The following TECRL variants were observed in gnomAD, a reference collection of about 807,000 sequenced individuals.
TECRL encodes trans-2,3-enoyl-CoA reductase like.
In TECRL, 63 loss-of-function variants were observed where a neutral mutation model predicts 52.8. The observed-to-expected ratio is 1.19, with a 90% CI of 0.97 to 1.47. The LOEUF (loss-of-function observed/expected upper bound fraction) is 1.47, where lower values mean the gene tolerates loss of function less well. Ranked by LOEUF, TECRL falls within the 40% of genes most tolerant of loss-of-function variation. The pLI is 0.00. For missense variants in TECRL, 482 were observed against 429.6 expected (o/e 1.12, Z -1.08); for synonymous variants, 164 against 141.9 (o/e 1.16, Z -1.10).
chr4:64,403,154 G>C (rs1429729390), intron 1 of TECRL, among the ~76,000 whole-genome samples: 1 of 151,754 alleles, frequency 6.6e-6, no homozygotes, highest in Non-Finnish European at 1.5e-5. Flanking sequence ...AAGTTTCTCA[G>C]GCCTCTGTAA....
At chr4:64,405,464 G>A (rs762500639) in intron 1 of TECRL, among the ~76,000 whole-genome samples, 1 of 152,136 alleles carries the variant, frequency 6.6e-6, no homozygotes, top group Non-Finnish European at 1.5e-5. Context: ...GCTATTTGAA[G>A]GATGTAGTTG....
intron 2 of TECRL, among the ~76,000 whole-genome samples, chr4:64,335,350 C>T (rs1463380174): frequency 6.6e-6 from 1 of 152,172 alleles, no homozygotes; most frequent in Non-Finnish European, 1.5e-5. Flanking sequence ...TTATGAGAAT[C>T]TAATGCCTAA....
intron 2 of TECRL, among the ~76,000 whole-genome samples, chr4:64,340,502 T>C (rs966352758): frequency 1.3e-5 from 2 of 152,170 alleles, no homozygotes; most frequent in African/African-American, 2.4e-5. Flanking sequence ...CCCTACCGGG[T>C]TTGTGCACAC....
chr4:64,294,440 G>A (rs1723566313), intron 8 of TECRL, among the ~76,000 whole-genome samples: 1 of 152,088 alleles, frequency 6.6e-6, no homozygotes, highest in Non-Finnish European at 1.5e-5. Flanking sequence ...AAAGAAAATA[G>A]GTTATGATGC....
rs74724013 is a variant in TECRL, at chr4:64,407,963, G to A, written c.234+1155C>T. Among the ~76,000 whole-genome samples the A allele has an allele frequency of 2.7e-3, 403 of 151,438 alleles. 3 individuals carry two copies. Among genetic ancestry groups the A allele is most frequent in the African/African-American group, 9.1e-3 (377 of 41,434 alleles). On this transcript the variant is annotated intron_variant, in intron 1 of 11. Transcript: ENST00000381210. ...TGATATATACTCATCGCTTATATATGGCCTCAGTAGAACTATAGAAAAAGC... is the reference window on the plus strand; with the variant it reads ...TGATATATACTCATCGCTTATATATAGCCTCAGTAGAACTATAGAAAAAGC...
intron 2 of TECRL, among the ~76,000 whole-genome samples, chr4:64,342,511 ACT>A (rs1466475668): frequency 6.6e-6 from 1 of 151,778 alleles, no homozygotes; most frequent in Non-Finnish European, 1.5e-5. Flanking sequence ...TGAGACTGTT[ACT>A]TATAATCCTT....
chr4:64,343,842 C>T (rs560104467), intron 2 of TECRL, among the ~76,000 whole-genome samples: 32 of 151,510 alleles, frequency 2.1e-4, no homozygotes, highest in African/African-American at 6.5e-4. Context: ...TTTAGAGCCA[C>T]GGAGAGAAAA....
intron 1 of TECRL, among the ~76,000 whole-genome samples, chr4:64,381,896 G>T (rs907062432): frequency 2.6e-5 from 4 of 151,804 alleles, no homozygotes; most frequent in South Asian, 2.1e-4. Context: ...CGTGTGTGTG[G>T]GGGGATGTGT....
At chr4:64,297,430 C>G (rs779975328) in intron 8 of TECRL, among the ~76,000 whole-genome samples, 1 of 150,768 alleles carries the variant, frequency 6.6e-6, no homozygotes, top group Admixed American at 6.6e-5. Flanking sequence ...GTTAATATAA[C>G]GTTTTATCAG....
In TECRL at chr4:64,305,187, G is replaced by A. The variant is rs766522427; in HGVS notation, c.709C>T (p.His237Tyr). The change falls in exon 7 of 12, where the codon CAT becomes TAT. Residue 237 changes from histidine to tyrosine, a missense_variant. Coordinates refer to ENST00000381210, the MANE Select transcript of TECRL (RefSeq NM_001010874.5). The part of the protein sequence containing the change: ...FTSWIAYYIN[H>Y]PLYTPPSFGN... Reference sequence around the variant, plus strand: ...ATACATGGTGGTGTATATAGTGGATGATTAATGTAGTAGGCAATCCAAGAA... The same window carrying A: ...ATACATGGTGGTGTATATAGTGGATAATTAATGTAGTAGGCAATCCAAGAA... 6.2e-7 allele frequency: 1 copy of A among 1,612,526 alleles called. No homozygotes were observed. Among genetic ancestry groups the A allele is most frequent in the Admixed American group, 1.7e-5 (1 of 59,958 alleles).
At chr4:64,281,697 G>T (rs1004212184) in intron 9 of TECRL, 138 bp from the exon 10 acceptor site, 5 of 524,136 alleles carry the variant, frequency 9.5e-6, no homozygotes, top group East Asian at 9.5e-5. Flanking sequence ...AACCTATTTT[G>T]CAAATTACTC....
chr4:64,406,621 C>A (rs1724746565), intron 1 of TECRL, among the ~76,000 whole-genome samples: 1 of 151,986 alleles, frequency 6.6e-6, no homozygotes, highest in South Asian at 2.1e-4. Flanking sequence ...CTAGAAGTTT[C>A]CAAAGTAACA....
intron 2 of TECRL, among the ~76,000 whole-genome samples, chr4:64,337,639 A>C (rs1356772916): frequency 3.9e-5 from 6 of 152,188 alleles, no homozygotes; most frequent in Non-Finnish European, 8.8e-5. Flanking sequence ...AATAACAGAC[A>C]AACGGAGAGC....
chr4:64,312,731 C>T (rs530291482), intron 5 of TECRL, among the ~76,000 whole-genome samples: 1 of 148,656 alleles, frequency 6.7e-6, no homozygotes, highest in South Asian at 2.1e-4. Flanking sequence ...TGAGCCACCG[C>T]ACTCTAGCCT....
chr4:64,403,329 T>C (rs1268949025), intron 1 of TECRL, among the ~76,000 whole-genome samples: 1 of 151,640 alleles, frequency 6.6e-6, no homozygotes, highest in Non-Finnish European at 1.5e-5. Context: ...TGGTTAACTA[T>C]ACATGGATAT....
intron 2 of TECRL, among the ~76,000 whole-genome samples, chr4:64,329,324 AT>A (rs1484265855): frequency 6.6e-6 from 1 of 151,956 alleles, no homozygotes; most frequent in African/African-American, 2.4e-5. Context: ...TTAAAAGAGT[AT>A]TTTTAAAGGA....
chr4:64,372,933 A>G lies in TECRL; in HGVS notation c.286+2239T>C, dbSNP rs548786493. ...ATTTATGTACTTTAATAAGTATCCA[A>G]TGTTATCTAGTTTTAAAATATGCTA... On this transcript the variant is annotated intron_variant, in intron 2 of 11. Coordinates refer to ENST00000381210, the MANE Select transcript of TECRL (RefSeq NM_001010874.5). 7.2e-5 allele frequency among the ~76,000 whole-genome samples: 11 copies of G among 151,832 alleles called. No homozygotes were observed. In the East Asian group the frequency reaches 1.9e-3, roughly 27 times the overall value.
At chr4:64,322,530 G>A (rs1368958042) in intron 4 of TECRL, among the ~76,000 whole-genome samples, 159 bp downstream of exon 4, 2 of 150,064 alleles carry the variant, frequency 1.3e-5, no homozygotes, top group Admixed American at 6.7e-5. Context: ...CAATACTTGA[G>A]TAGAACTTTG....
intron 2 of TECRL, among the ~76,000 whole-genome samples, chr4:64,372,030 T>A (rs1722010214): frequency 6.6e-6 from 1 of 151,760 alleles, no homozygotes; most frequent in Non-Finnish European, 1.5e-5. Flanking sequence ...TTGGTCAGAG[T>A]GTCACTGGGA....
Sources: allele counts gnomAD v4.1 joint callset (sites outside exome capture counted in the v4.1 genomes callset), GRCh38; gene constraint gnomAD v4.1.1; transcripts MANE v1.5; gene names NCBI Gene and HGNC (gene_info 2026-07-23, HGNC 2026-07-21).